Variants in NFIX observed in about 807,000 individuals in gnomAD.
NFIX encodes the protein nuclear factor I X.
In NFIX, 2 loss-of-function variants were observed where a neutral mutation model predicts 53.3. The observed-to-expected ratio is 0.04, with a 90% CI of 0.02 to 0.12. NFIX has a LOEUF of 0.12. Among genes scored for constraint, NFIX ranks in the 10% least tolerant of loss-of-function variants. The pLI is 1.00. For missense variants in NFIX, 310 were observed against 674.5 expected, an observed-to-expected ratio of 0.46 and a Z score of 5.99; for synonymous variants, 244 against 289.0, an observed-to-expected ratio of 0.84 and a Z score of 1.58.
chr19:13,038,041 G>T (rs1004122727), intron 2 of NFIX, among the ~76,000 whole-genome samples: 3 of 152,106 alleles, frequency 2.0e-5, no homozygotes, highest in African/African-American at 7.2e-5. Flanking sequence ...TGCAGCTCTT[G>T]TTTTCTGTGC....
Position 13,025,952 on chromosome 19 carries a change from G to C in NFIX, c.559+400G>C, listed in dbSNP as rs2013310531. On this transcript the variant is annotated intron_variant, in intron 2 of 10. Transcript: ENST00000592199. The surrounding 1 kb of genome is among the most constrained non-coding windows in gnomAD (Gnocchi z 7.5). ...AAAATGAGTCAGAAGAAGTATTGAG[G>C]GGCAGGTGCTAGTTTTACTGCAGCT... Among the ~76,000 whole-genome samples the C allele has an allele frequency of 6.6e-6, 1 of 152,154 alleles. No individual in the cohort carries two copies. Among genetic ancestry groups the C allele is most frequent in the African/African-American group, 2.4e-5 (1 of 41,438 alleles).
chr19:13,075,523 T>C lies in NFIX; in HGVS notation c.819-12T>C. The stretch of plus-strand genomic sequence containing the variant: ...CATCCTTGGCCCATGTGACCCTTTC[T>C]TTCTTCCCCAGCACCACCAAGCGCC... On this transcript the variant is annotated splice_polypyrimidine_tract_variant and intron_variant, in intron 5 of 10. Transcript: ENST00000592199. 1.9e-6 allele frequency: 3 copies of C among 1,613,324 alleles called. No homozygotes were observed. Among genetic ancestry groups the C allele is most frequent in the Non-Finnish European group, 2.5e-6 (3 of 1,179,586 alleles).
chr19:13,010,594 C>T (rs1199450851), intron 1 of NFIX, among the ~76,000 whole-genome samples: 1 of 152,254 alleles, frequency 6.6e-6, no homozygotes, highest in Non-Finnish European at 1.5e-5. Context: ...GTCCCTAACA[C>T]AAGCATTCAC....
intron 1 of NFIX, chr19:13,024,695 G>C: frequency 6.5e-7 from 1 of 1,536,404 alleles, no homozygotes; most frequent in Non-Finnish European, 8.7e-7. Flanking sequence ...GTGTGTGGAC[G>C]GCAACGTTGT....
In NFIX at chr19:13,045,158, G is replaced by A. The variant is rs2014904299; in HGVS notation, c.559+19606G>A. On this transcript the variant is annotated intron_variant, in intron 2 of 10. Coordinates refer to ENST00000592199, the MANE Select transcript of NFIX (RefSeq NM_001365902.3). This position sits in a 1 kb window ranked among gnomAD's most constrained non-coding sequence, Gnocchi z 4.4. Reference sequence around the variant, plus strand: ...GCCTTCACCTGCATAGAATGGAAGAGACCTGGTGGCACTTGTCATGGTGAG... The same window carrying A: ...GCCTTCACCTGCATAGAATGGAAGAAACCTGGTGGCACTTGTCATGGTGAG... Among the ~76,000 whole-genome samples the A allele has an allele frequency of 2.0e-5, 3 of 152,206 alleles. No homozygotes were observed. Among genetic ancestry groups the A allele is most frequent in the Admixed American group, 6.5e-5 (1 of 15,290 alleles).
Position 13,014,227 on chromosome 19 carries a change from TCTG to T in NFIX, c.28-10793_28-10791del, listed in dbSNP as rs2012533729. Reference sequence around the variant, plus strand: ...TCACCCGCCGTTCCCTCCGCTCCGGTCTGATTCGCAAATCCCCAAACTGGCACA... The same window carrying T: ...TCACCCGCCGTTCCCTCCGCTCCGGTATTCGCAAATCCCCAAACTGGCACA... On this transcript the variant is annotated intron_variant, in intron 1 of 10. Coordinates refer to ENST00000592199, the MANE Select transcript of NFIX (RefSeq NM_001365902.3). The surrounding 1 kb of genome is among the most constrained non-coding windows in gnomAD (Gnocchi z 4.4). The T allele has an allele frequency of 1.3e-5, 2 of 152,140 alleles. No homozygotes were observed. The highest frequency in any genetic ancestry group is 2.9e-5 in the Non-Finnish European group (2 of 68,018). The allele number at this position is 152,140 out of a possible 1,614,324, so 9.4% of individuals were successfully genotyped here.
intron 2 of NFIX, among the ~76,000 whole-genome samples, chr19:13,047,010 A>G (rs1035229070): frequency 7.2e-5 from 11 of 152,164 alleles, no homozygotes; most frequent in African/African-American, 2.4e-4. Flanking sequence ...TGTACTCCCC[A>G]CTAAGGCTGC....
At position 13,001,975 on chromosome 19, in the gene NFIX, C is replaced by G. The variant is rs888196290; in HGVS notation, c.27+6111C>G. Among the ~76,000 whole-genome samples, 1 of 152,162 alleles carries G rather than the reference C, an allele frequency of 6.6e-6. No individual in the cohort carries two copies. Among genetic ancestry groups the G allele is most frequent in the Non-Finnish European group, 1.5e-5 (1 of 68,022 alleles). On this transcript the variant is annotated intron_variant, in intron 1 of 10. Transcript: ENST00000592199. The surrounding 1 kb of genome is among the most constrained non-coding windows in gnomAD (Gnocchi z 6.5). ...GGCGTGTGTTCGGGCCGCCCACAGG[C>G]CTCCCTCTGTCTGCCCGGCGCACAT...
chr19:12,995,935 G>A, intron 1 of NFIX, 71 bp downstream of exon 1: 1 of 674,496 alleles, frequency 1.5e-6, no homozygotes, highest in African/African-American at 2.0e-5. Context: ...GGCGCGGGCG[G>A]AGGGGACGCG....
chr19:13,064,390 C>A (rs953694990), intron 2 of NFIX, among the ~76,000 whole-genome samples: 1 of 152,202 alleles, frequency 6.6e-6, no homozygotes, highest in African/African-American at 2.4e-5. Context: ...GCTGGGCAGG[C>A]CTTGGGCCTA....
chr19:13,000,722 C>T (rs1751396396), intron 1 of NFIX, among the ~76,000 whole-genome samples: 1 of 152,174 alleles, frequency 6.6e-6, no homozygotes. Flanking sequence ...TCAGGGACGT[C>T]CCCAAGCTCC....
In NFIX at chr19:13,043,559, C is replaced by T. The variant is rs534113312; in HGVS notation, c.559+18007C>T. Among the ~76,000 whole-genome samples the T allele has an allele frequency of 7.0e-4, 107 of 152,338 alleles. No individual in the cohort carries two copies. Among genetic ancestry groups the T allele is most frequent in the African/African-American group, 1.6e-3 (67 of 41,562 alleles). On this transcript the variant is annotated intron_variant, in intron 2 of 10. Coordinates refer to ENST00000592199, the MANE Select transcript of NFIX (RefSeq NM_001365902.3). This position sits in a 1 kb window ranked among gnomAD's most constrained non-coding sequence, Gnocchi z 4.0. ...ACAAGGCCCCTGGGGCTGCCAAGGT[C>T]GCACATGTCCTCCCAGGACTTGAAG...
At chr19:13,023,193 G>C (rs960436647) in intron 1 of NFIX, among the ~76,000 whole-genome samples, 5 of 148,930 alleles carry the variant, frequency 3.4e-5, no homozygotes, top group Non-Finnish European at 7.4e-5. Context: ...GTTTGAGAGA[G>C]AGAAAAGGAG....
At chr19:13,016,525 C>T (rs1599724306) in intron 1 of NFIX, among the ~76,000 whole-genome samples, 1 of 152,182 alleles carries the variant, frequency 6.6e-6, no homozygotes, top group South Asian at 2.1e-4. Context: ...TGCCCCCCGC[C>T]CCCGCATTGC....
chr19:13,022,277 C>G lies in NFIX; in HGVS notation c.28-2744C>G, dbSNP rs973847570. ...GCCGAGCTGTGTTGCGTTGGCATCC[C>G]TCGTCACCGCTAATGGAGTGTGCGT... On this transcript the variant is annotated intron_variant, in intron 1 of 10. Transcript: ENST00000592199. This position sits in a 1 kb window ranked among gnomAD's most constrained non-coding sequence, Gnocchi z 4.5. Among the ~76,000 whole-genome samples the G allele has an allele frequency of 6.6e-6, 1 of 152,248 alleles. No individual in the cohort carries two copies. The highest frequency in any genetic ancestry group is 3.4e-3 in the Middle Eastern group (1 of 294).
chr19:13,063,446 A>G (rs2016214873), intron 2 of NFIX, among the ~76,000 whole-genome samples: 2 of 148,716 alleles, frequency 1.3e-5, no homozygotes, highest in South Asian at 4.2e-4. Context: ...ACACAAAGCC[A>G]CTCTTGAGTA....
Position 13,097,190 on chromosome 19 carries a change from T to G in NFIX, c.*2541T>G, listed in dbSNP as rs1292791354. 2 of 150,792 alleles carry G rather than the reference T, an allele frequency of 1.3e-5. No individual in the cohort carries two copies. The highest frequency in any genetic ancestry group is 2.1e-4 in the South Asian group (1 of 4,808). The allele number at this position is 150,792 out of a possible 1,614,324, so 9.3% of individuals were successfully genotyped here. Reference sequence around the variant, plus strand: ...CCCTTTTTTTTGTTCGTTTTTAGTTTTTTTTTTTTTAAGTCGTTTTCCTGC... The same window carrying G: ...CCCTTTTTTTTGTTCGTTTTTAGTTGTTTTTTTTTTAAGTCGTTTTCCTGC... On this transcript the variant is annotated 3_prime_UTR_variant, in exon 11 of 11. Coordinates refer to ENST00000592199, the MANE Select transcript of NFIX (RefSeq NM_001365902.3).
chr19:13,015,394 C>T (rs552412774), intron 1 of NFIX, among the ~76,000 whole-genome samples: 3 of 152,248 alleles, frequency 2.0e-5, no homozygotes, highest in Non-Finnish European at 1.5e-5. Flanking sequence ...CCTGAGGCAG[C>T]CCCGCCCCAG....
chr19:13,088,713 T>C lies in NFIX; in HGVS notation c.1402+577T>C, dbSNP rs2017950532. Among the ~76,000 whole-genome samples, 1 of 151,684 alleles carries C rather than the reference T, an allele frequency of 6.6e-6. No homozygotes were observed. The highest frequency in any genetic ancestry group is 1.5e-5 in the Non-Finnish European group (1 of 67,954). On this transcript the variant is annotated intron_variant, in intron 9 of 10. Transcript: ENST00000592199. The surrounding 1 kb of genome is among the most constrained non-coding windows in gnomAD (Gnocchi z 5.9). Reference sequence around the variant, plus strand: ...CATTTGGTTTCTCGTTGTTCCTCTTTTTTTTTCCCCCCCTTCCATCCCTCT... The same window carrying C: ...CATTTGGTTTCTCGTTGTTCCTCTTCTTTTTTCCCCCCCTTCCATCCCTCT...
Sources: allele counts gnomAD v4.1 joint callset (sites outside exome capture counted in the v4.1 genomes callset), GRCh38; gene constraint gnomAD v4.1.1; non-coding constraint Gnocchi (gnomAD v3.1); transcripts MANE v1.5; gene names NCBI Gene and HGNC (gene_info 2026-07-23, HGNC 2026-07-21).